RPA3: variants seen among roughly 807,000 people sequenced by gnomAD.
RPA3 encodes replication protein A3.
In RPA3, 24 loss-of-function variants were observed where a neutral mutation model predicts 13.7. The observed-to-expected ratio is 1.75, with a 90% CI of 1.27 to 2.46. RPA3 has a LOEUF of 2.46. Among genes scored for constraint, RPA3 ranks in the 30% most tolerant of loss-of-function variants. RPA3 has a pLI of 0.00. For missense variants in RPA3, 183 were observed against 151.0 expected (o/e 1.21, Z -1.11); for synonymous variants, 59 against 51.2 (o/e 1.15, Z -0.65).
intron 4 of RPA3, among the ~76,000 whole-genome samples, chr7:7,678,704 T>G (rs2115117382): frequency 8.6e-6 from 1 of 116,398 alleles, no homozygotes; most frequent in South Asian, 2.6e-4. Context: ...AAATATATAT[T>G]TATATATTTA....
chr7:7,701,916 GC>G (rs1780473303), intron 2 of RPA3, among the ~76,000 whole-genome samples: 1 of 152,198 alleles, frequency 6.6e-6, no homozygotes, highest in African/African-American at 2.4e-5. Context: ...CCATCTCTCT[GC>G]CATCAGCTAT....
At chr7:7,639,032 C>T in intron 6 of RPA3, 38 bp downstream of exon 6, 1 of 1,447,162 alleles carries the variant, frequency 6.9e-7, no homozygotes, top group African/African-American at 1.4e-5. Context: ...GAAGAATTAA[C>T]TATAATATAT....
chr7:7,695,772 A>G (rs181472180), intron 2 of RPA3, among the ~76,000 whole-genome samples: 1 of 152,270 alleles, frequency 6.6e-6, no homozygotes, highest in East Asian at 1.9e-4. Context: ...ATTATCTGTC[A>G]ATGTGTCACC....
At chr7:7,715,362 A>G (rs779067593) in intron 1 of RPA3, 136 bp from the exon 2 acceptor site, 8 of 152,242 alleles carry the variant, frequency 5.3e-5, no homozygotes, top group East Asian at 1.9e-4. Context: ...AGCTGTTAGA[A>G]TAGCTAATTT....
At chr7:7,697,064 C>G (rs536184150) in intron 2 of RPA3, among the ~76,000 whole-genome samples, 2 of 152,104 alleles carry the variant, frequency 1.3e-5, no homozygotes, top group South Asian at 4.1e-4. Context: ...CAGGAACGGT[C>G]TTGTGGTAGA....
At chr7:7,705,999 C>G (rs1401723794) in intron 2 of RPA3, among the ~76,000 whole-genome samples, 1 of 152,086 alleles carries the variant, frequency 6.6e-6, no homozygotes, top group East Asian at 1.9e-4. Flanking sequence ...ACTCTATAAT[C>G]TTTTATTAGA....
intron 4 of RPA3, among the ~76,000 whole-genome samples, chr7:7,661,282 A>T (rs1009758410): frequency 6.6e-6 from 1 of 151,808 alleles, no homozygotes; most frequent in Admixed American, 6.6e-5. Flanking sequence ...AGCTCAGAGG[A>T]GTTTGTTATT....
At chr7:7,681,335 A>G (rs1779907893) in intron 4 of RPA3, among the ~76,000 whole-genome samples, 1 of 152,182 alleles carries the variant, frequency 6.6e-6, no homozygotes, top group Admixed American at 6.5e-5. Context: ...AGTTGATGGA[A>G]TCAACACATC....
At chr7:7,674,143 G>A (rs1160311622) in intron 4 of RPA3, among the ~76,000 whole-genome samples, 2 of 152,022 alleles carry the variant, frequency 1.3e-5, no homozygotes. Context: ...GTTTCCTTGT[G>A]GTTCTCATCC....
At chr7:7,637,119 T>A (rs748425524) in intron 7 of RPA3, 37 bp from the exon 8 acceptor site, 3 of 1,378,052 alleles carry the variant, frequency 2.2e-6, no homozygotes, top group African/African-American at 2.9e-5. Context: ...TAATCTACAA[T>A]GGAAAGTTGT....
chr7:7,640,390 G>A lies in RPA3; in HGVS notation c.29C>T (p.Ser10Leu), dbSNP rs371070828. 4 of 1,613,872 alleles carry A rather than the reference G, an allele frequency of 2.5e-6. No homozygotes were observed. ...AGCTAGCATGCCGGCGTTGATGCGC[G>A]ACCTGGGCAAGTCCATCATGTCCAC... MVDMMDLPR[S>L]RINAGMLAQF... is the part of the protein sequence containing the mutation. Residue 10 changes from serine (S) to leucine (L), a missense_variant, in exon 5 of 8, where the codon TCG becomes TTG. Transcript: ENST00000223129.
chr7:7,671,193 C>T (rs1453899420), intron 4 of RPA3, among the ~76,000 whole-genome samples: 1 of 152,218 alleles, frequency 6.6e-6, no homozygotes. Flanking sequence ...ATCTACTTAA[C>T]TTTAGTCAGC....
At chr7:7,689,570 A>C (rs561677870) in intron 2 of RPA3, 7 of 152,116 alleles carry the variant, frequency 4.6e-5, no homozygotes. Flanking sequence ...TTATAATGCT[A>C]TCTCCCTGGA....
chr7:7,711,589 T>C (rs1780765456), intron 2 of RPA3, among the ~76,000 whole-genome samples: 1 of 152,176 alleles, frequency 6.6e-6, no homozygotes, highest in Non-Finnish European at 1.5e-5. Context: ...ATTTACATTT[T>C]CTTGTTTATA....
chr7:7,708,365 T>G (rs1327555825), intron 2 of RPA3, among the ~76,000 whole-genome samples: 1 of 152,216 alleles, frequency 6.6e-6, no homozygotes, highest in African/African-American at 2.4e-5. Flanking sequence ...TTGCTCAGCT[T>G]TAGTTTTGTA....
intron 4 of RPA3, among the ~76,000 whole-genome samples, chr7:7,672,996 G>A (rs1021119807): frequency 6.6e-6 from 1 of 152,184 alleles, no homozygotes; most frequent in Non-Finnish European, 1.5e-5. Flanking sequence ...TTTATGGTTA[G>A]CAAGATCCTT....
At chr7:7,670,257 G>A in intron 4 of RPA3, among the ~76,000 whole-genome samples, 1 of 152,144 alleles carries the variant, frequency 6.6e-6, no homozygotes, top group East Asian at 1.9e-4. Context: ...TTTCTGACTT[G>A]TGGCCAGACA....
rs1255050078 is a variant in RPA3 at position 7,685,820 on chromosome 7, A to G, written c.-758+10T>C. 1 of 152,266 alleles carries G rather than the reference A, an allele frequency of 6.6e-6. No individual in the cohort carries two copies. The highest frequency in any genetic ancestry group is 1.9e-4 in the East Asian group (1 of 5,204). The allele number at this position is 152,266 out of a possible 1,614,324, so 9.4% of individuals were successfully genotyped here. A position where few individuals can be genotyped will look rare whatever the true frequency, so the allele number is the denominator to read the frequency against. ...TCCTTCATTATATCATGATAGAATTATGGTCTTACCTTGGAAGAATAGTAT... is the reference window on the plus strand; with the variant it reads ...TCCTTCATTATATCATGATAGAATTGTGGTCTTACCTTGGAAGAATAGTAT... On this transcript the variant is annotated intron_variant, in intron 4 of 7. Coordinates refer to ENST00000223129, the MANE Select transcript of RPA3 (RefSeq NM_002947.5).
intron 4 of RPA3, among the ~76,000 whole-genome samples, chr7:7,670,465 T>A (rs1444887533): frequency 6.6e-6 from 1 of 152,140 alleles, no homozygotes; most frequent in Non-Finnish European, 1.5e-5. Context: ...TCCTATTATG[T>A]CTCCATAAAA....
Sources: gnomAD v4.1 joint callset for allele counts (sites outside exome capture counted in the v4.1 genomes callset) on GRCh38, gnomAD v4.1.1 for gene constraint, MANE v1.5 for transcripts, NCBI Gene and HGNC (gene_info 2026-07-23, HGNC 2026-07-21) for gene names.